The following ZNRF1 variants were observed in gnomAD, a reference collection of about 807,000 sequenced individuals.
The protein encoded by ZNRF1 is zinc and ring finger 1, also known as E3 ubiquitin-protein ligase ZNRF1.
A neutral mutation model predicts 18.4 loss-of-function variants in ZNRF1; 3 were observed. The observed-to-expected ratio is 0.16, with a 90% CI of 0.07 to 0.42. The LOEUF (loss-of-function observed/expected upper bound fraction) is 0.42, where lower values mean the gene tolerates loss of function less well. ZNRF1 is among the 10% of genes least tolerant of loss of function. The pLI, the probability that ZNRF1 is intolerant of heterozygous loss-of-function variation, is 0.99. For missense variants in ZNRF1, 310 were observed against 329.8 expected (o/e 0.94, Z 0.47); for synonymous variants, 157 against 144.2 (o/e 1.09, Z -0.64).
At chr16:75,076,640 C>A (rs1304599901) in intron 1 of ZNRF1, among the ~76,000 whole-genome samples, 1 of 146,374 alleles carries the variant, frequency 6.8e-6, no homozygotes, top group Non-Finnish European at 1.5e-5. Flanking sequence ...GCACAGTTTT[C>A]AATGGTTTCC....
intron 1 of ZNRF1, among the ~76,000 whole-genome samples, chr16:75,026,638 T>C (rs1192895040): frequency 2.0e-5 from 3 of 152,162 alleles, no homozygotes; most frequent in Admixed American, 6.6e-5. Context: ...CAGTAGTATG[T>C]AATAAGAATA....
chr16:75,087,156 C>T (rs1050830774), intron 1 of ZNRF1, among the ~76,000 whole-genome samples: 1 of 152,138 alleles, frequency 6.6e-6, no homozygotes, highest in Non-Finnish European at 1.5e-5. Context: ...ACCAGTTGCC[C>T]CCATCCTTCC....
intron 4 of ZNRF1, 60 bp from the exon 5 acceptor site, chr16:75,107,672 TG>T (rs962929233): frequency 5.9e-5 from 27 of 455,826 alleles, no homozygotes; most frequent in Middle Eastern, 3.4e-4. Flanking sequence ...GCAGCTGCCC[TG>T]GGATGAGCAG....
At position 75,109,113 on chromosome 16, in the gene ZNRF1, C is replaced by A; in HGVS notation, c.*1413C>A. 6.6e-6 allele frequency: 1 copy of A among 152,642 alleles called. No homozygotes were observed. The highest frequency in any genetic ancestry group is 1.5e-5 in the Non-Finnish European group (1 of 68,188). The allele number at this position is 152,642 out of a possible 1,614,324, so 9.5% of individuals were successfully genotyped here. A position where few individuals can be genotyped will look rare whatever the true frequency, so the allele number is the denominator to read the frequency against. ...GCCCTGCCTGTTGTTCAGTTTGCGT[C>A]TCAGTGCTGACTCACGGGCATGCTT... On this transcript the variant is annotated 3_prime_UTR_variant, in exon 5 of 5. Transcript: ENST00000335325.
chr16:75,023,800 C>G (rs1386480839), intron 1 of ZNRF1, among the ~76,000 whole-genome samples: 2 of 152,026 alleles, frequency 1.3e-5, no homozygotes, highest in South Asian at 2.1e-4. Flanking sequence ...ATGGCTGACA[C>G]TGTTATAATT....
chr16:75,022,229 TG>T (rs1283069678), intron 1 of ZNRF1, among the ~76,000 whole-genome samples: 3 of 151,894 alleles, frequency 2.0e-5, no homozygotes. Flanking sequence ...CACTCCAGCC[TG>T]GGTGACAGAG....
chr16:75,020,718 A>AT (rs2035134696), intron 1 of ZNRF1, among the ~76,000 whole-genome samples: 2 of 151,556 alleles, frequency 1.3e-5, no homozygotes, highest in African/African-American at 2.4e-5. Flanking sequence ...ATTTTTTTGT[A>AT]TTTTTAGTGG....
intron 1 of ZNRF1, among the ~76,000 whole-genome samples, chr16:75,029,450 C>T (rs541978034): frequency 6.6e-6 from 1 of 152,170 alleles, no homozygotes; most frequent in East Asian, 1.9e-4. Context: ...GCCCGGCTGA[C>T]CTTTTCTTAA....
At chr16:75,082,307 A>G (rs1439265138) in intron 1 of ZNRF1, among the ~76,000 whole-genome samples, 3 of 152,080 alleles carry the variant, frequency 2.0e-5, no homozygotes, top group Non-Finnish European at 4.4e-5. Flanking sequence ...AATGGTCTAG[A>G]GGGTCAAAGG....
At chr16:75,079,037 T>C (rs1252182832) in intron 1 of ZNRF1, among the ~76,000 whole-genome samples, 1 of 152,220 alleles carries the variant, frequency 6.6e-6, no homozygotes, top group East Asian at 1.9e-4. Flanking sequence ...CATTCTTATC[T>C]ACCCGGTTCA....
At chr16:75,026,279 C>G (rs112583895) in intron 1 of ZNRF1, among the ~76,000 whole-genome samples, 3 of 151,332 alleles carry the variant, frequency 2.0e-5, no homozygotes, top group African/African-American at 7.3e-5. Context: ...TAAGCTGTTG[C>G]TGTTACATGT....
chr16:75,047,481 G>A (rs545993926), intron 1 of ZNRF1, among the ~76,000 whole-genome samples: 5 of 152,340 alleles, frequency 3.3e-5, no homozygotes, highest in African/African-American at 1.2e-4. Context: ...TGTATTCATA[G>A]CAAGGGGCAG....
chr16:75,033,911 C>G (rs2035341767), intron 1 of ZNRF1, among the ~76,000 whole-genome samples: 1 of 151,764 alleles, frequency 6.6e-6, no homozygotes, highest in African/African-American at 2.4e-5. Flanking sequence ...CTTTGGGAGG[C>G]TAAGGTGGGC....
At chr16:75,045,938 C>T (rs751002200) in intron 1 of ZNRF1, among the ~76,000 whole-genome samples, 4 of 151,730 alleles carry the variant, frequency 2.6e-5, no homozygotes, top group Non-Finnish European at 5.9e-5. Flanking sequence ...GTTTCACTCT[C>T]GTTGCCCAAG....
chr16:75,018,085 T>G (rs2035094357), intron 1 of ZNRF1, among the ~76,000 whole-genome samples: 1 of 152,196 alleles, frequency 6.6e-6, no homozygotes, highest in African/African-American at 2.4e-5. Context: ...ATGAATCAAA[T>G]GAGTTTGTAG....
At chr16:75,033,408 T>A (rs1482788550) in intron 1 of ZNRF1, among the ~76,000 whole-genome samples, 1 of 151,392 alleles carries the variant, frequency 6.6e-6, no homozygotes, top group Non-Finnish European at 1.5e-5. Context: ...ATTTAAGTGC[T>A]ATTTAATTTT....
At chr16:75,001,044 G>T (rs974152800) in intron 1 of ZNRF1, among the ~76,000 whole-genome samples, 3 of 152,186 alleles carry the variant, frequency 2.0e-5, no homozygotes, top group African/African-American at 7.2e-5. Flanking sequence ...CTGTCTGCTA[G>T]GTCAGGCATC....
chr16:75,091,153 ATT>A (rs2036133851), intron 1 of ZNRF1, among the ~76,000 whole-genome samples: 2 of 152,128 alleles, frequency 1.3e-5, no homozygotes, highest in East Asian at 1.9e-4. Context: ...GAGGTCAGGC[ATT>A]TGAGACCAGT....
chr16:75,060,885 C>T (rs540614155), intron 1 of ZNRF1, among the ~76,000 whole-genome samples: 15 of 152,154 alleles, frequency 9.9e-5, no homozygotes, highest in Admixed American at 2.6e-4. Context: ...TTTGTAACTT[C>T]GTGAGGAGGA....
Sources: allele counts gnomAD v4.1 joint callset (sites outside exome capture counted in the v4.1 genomes callset), GRCh38; gene constraint gnomAD v4.1.1; transcripts MANE v1.5; gene names NCBI Gene and HGNC (gene_info 2026-07-23, HGNC 2026-07-21).